The following CES5A variants were observed in gnomAD, a reference collection of about 807,000 sequenced individuals.
CES5A encodes carboxylesterase 5A.
In CES5A, 67 loss-of-function variants were observed where a neutral mutation model predicts 62.9. The ratio of observed to expected loss-of-function variants is 1.07; its 90% confidence interval spans 0.88 to 1.31. The LOEUF is 1.31. Among genes scored for constraint, CES5A ranks in the 50% most tolerant of loss-of-function variants. The pLI is 0.00. For synonymous variants in CES5A, 296 were observed against 280.8 expected, an observed-to-expected ratio of 1.05 and a Z score of -0.54; for missense variants, 748 against 708.5, an observed-to-expected ratio of 1.06 and a Z score of -0.63.
chr16:55,907,117 G>A (rs2034047040), intron 1 of CES5A, among the ~76,000 whole-genome samples: 1 of 152,234 alleles, frequency 6.6e-6, no homozygotes, highest in South Asian at 2.1e-4. Context: ...AGATACTAAT[G>A]AGAAATAAGA....
At chr16:55,915,704 C>G (rs533493593) in intron 1 of CES5A, among the ~76,000 whole-genome samples, 3 of 152,282 alleles carry the variant, frequency 2.0e-5, no homozygotes, top group African/African-American at 7.2e-5. Context: ...CCCTTAATGC[C>G]AGGATGTACC....
At chr16:55,869,788 C>G (rs1226048790) in intron 3 of CES5A, 44 bp from the exon 4 acceptor site, 1 of 1,557,572 alleles carries the variant, frequency 6.4e-7, no homozygotes, top group Non-Finnish European at 8.7e-7. Flanking sequence ...CCAGGCACCA[C>G]CTCCCCTCCC....
chr16:55,893,752 A>G (rs1056004823), intron 1 of CES5A, among the ~76,000 whole-genome samples: 3 of 152,208 alleles, frequency 2.0e-5, no homozygotes, highest in Admixed American at 1.3e-4. Context: ...AAAATGATCT[A>G]ACATATGTGT....
At chr16:55,872,068 A>G (rs1375040585) in intron 2 of CES5A, among the ~76,000 whole-genome samples, 1 of 152,168 alleles carries the variant, frequency 6.6e-6, no homozygotes, top group Admixed American at 6.5e-5. Context: ...CATAATATAG[A>G]CACACATAAC....
intron 1 of CES5A, among the ~76,000 whole-genome samples, chr16:55,897,376 C>A (rs1362396): frequency 2.0e-5 from 3 of 151,926 alleles, no homozygotes; most frequent in African/African-American, 7.3e-5. Flanking sequence ...AGAGTACTTA[C>A]AGAAGGGGGA....
intron 2 of CES5A, among the ~76,000 whole-genome samples, chr16:55,938,194 T>C (rs1031950592): frequency 1.1e-4 from 17 of 152,280 alleles, no homozygotes; most frequent in African/African-American, 3.9e-4. Context: ...CAAAGTAAGA[T>C]GGGCTTCTAA....
At chr16:55,887,715 C>T (rs972045968) in intron 1 of CES5A, among the ~76,000 whole-genome samples, 5 of 152,022 alleles carry the variant, frequency 3.3e-5, no homozygotes, top group African/African-American at 7.3e-5. Context: ...AAGGAGTGGA[C>T]GGTAAAAGAC....
At chr16:55,910,646 G>C (rs2034083753) in intron 1 of CES5A, among the ~76,000 whole-genome samples, 1 of 152,220 alleles carries the variant, frequency 6.6e-6, no homozygotes, top group South Asian at 2.1e-4. Context: ...CACGCACTTG[G>C]CAATTAAATT....
chr16:55,905,192 A>G (rs560591638), intron 1 of CES5A, among the ~76,000 whole-genome samples: 3 of 151,898 alleles, frequency 2.0e-5, no homozygotes, highest in Non-Finnish European at 2.9e-5. Context: ...CTCCCCATCC[A>G]TTATGTTTCC....
intron 2 of CES5A, among the ~76,000 whole-genome samples, chr16:55,942,355 T>C (rs561793029): frequency 4.9e-4 from 75 of 152,270 alleles, no homozygotes; most frequent in African/African-American, 1.4e-3. Context: ...ACATAAAGAA[T>C]TCCTACAAAT....
chr16:55,857,310 C>CAATG (rs1486596188), intron 8 of CES5A, among the ~76,000 whole-genome samples: 1 of 152,210 alleles, frequency 6.6e-6, no homozygotes, highest in East Asian at 1.9e-4. Context: ...AAAGCTCTTA[C>CAATG]AATGGTACTT....
At chr16:55,883,224 G>C (rs2033780105) in intron 1 of CES5A, among the ~76,000 whole-genome samples, 1 of 152,220 alleles carries the variant, frequency 6.6e-6, no homozygotes, top group Non-Finnish European at 1.5e-5. Context: ...GAATCGAATG[G>C]AATTGTGAAA....
chr16:55,934,517 A>G (rs1006118535), intron 2 of CES5A, among the ~76,000 whole-genome samples: 1 of 152,256 alleles, frequency 6.6e-6, no homozygotes, highest in Non-Finnish European at 1.5e-5. Flanking sequence ...AAATGAGATT[A>G]TGCATAAAGT....
chr16:55,900,905 A>T (rs1215158699), intron 1 of CES5A, among the ~76,000 whole-genome samples: 1 of 152,188 alleles, frequency 6.6e-6, no homozygotes, highest in Admixed American at 6.6e-5. Flanking sequence ...TGCTTATCCC[A>T]TCCCACATCC....
chr16:55,955,723 G>T, intron 1 of CES5A: 1 of 1,085,080 alleles, frequency 9.2e-7, no homozygotes, highest in Non-Finnish European at 1.3e-6. Context: ...CTACCGTGGG[G>T]GCTGACCCAG....
At chr16:55,855,536 T>C (rs1385747566) in intron 9 of CES5A, among the ~76,000 whole-genome samples, 5 of 152,192 alleles carry the variant, frequency 3.3e-5, no homozygotes, top group African/African-American at 1.2e-4. Context: ...TGTTTCAGCA[T>C]TCAGAGCTTT....
At chr16:55,929,756 A>T (rs1445641643), upstream of CES5A, among the ~76,000 whole-genome samples, 1 of 152,232 alleles carries the variant, frequency 6.6e-6, no homozygotes, top group Admixed American at 6.5e-5. Context: ...GCAGGATTAA[A>T]TGCTGTCTTT....
intron 3 of CES5A, 55 bp downstream of exon 3, chr16:55,871,563 GCCTGGAT>G (rs1163200394): frequency 6.3e-7 from 1 of 1,598,970 alleles, no homozygotes; most frequent in East Asian, 2.2e-5. Context: ...TAGCTGCACT[GCCTGGAT>G]CCCAGGCCAA....
chr16:55,931,191 C>T (rs973970390), intron 2 of CES5A, among the ~76,000 whole-genome samples: 4 of 152,216 alleles, frequency 2.6e-5, no homozygotes, highest in Non-Finnish European at 4.4e-5. Flanking sequence ...GAATTACTTC[C>T]AATGTCCAAA....
Sources: gnomAD v4.1 joint callset for allele counts (sites outside exome capture counted in the v4.1 genomes callset) on GRCh38, gnomAD v4.1.1 for gene constraint, MANE v1.5 for transcripts, NCBI Gene and HGNC (gene_info 2026-07-23, HGNC 2026-07-21) for gene names.